The following PRKACB variants were observed in gnomAD, a reference collection of about 807,000 sequenced individuals.
The protein encoded by PRKACB is cAMP-dependent protein kinase catalytic subunit beta.
PRKACB carries 16 observed loss-of-function variants against 51.4 expected under a neutral mutation model. That is an observed-to-expected ratio of 0.31 (90% confidence interval 0.21 to 0.47). The LOEUF is 0.47. Among genes scored for constraint, PRKACB ranks in the 20% least tolerant of loss-of-function variants. The pLI, the probability that PRKACB is intolerant of heterozygous loss-of-function variation, is 1.00. For synonymous variants in PRKACB, 147 were observed against 154.4 expected (o/e 0.95, Z 0.35); for missense variants, 309 against 464.5 (o/e 0.67, Z 3.08).
chr1:84,136,809 CTG>C (rs891867164), intron 1 of PRKACB, among the ~76,000 whole-genome samples: 1 of 152,150 alleles, frequency 6.6e-6, no homozygotes, highest in Non-Finnish European at 1.5e-5. Context: ...AATGGATAAA[CTG>C]TGATATATCC....
chr1:84,230,458 A>G (rs1016723248), intron 9 of PRKACB, among the ~76,000 whole-genome samples: 4 of 152,076 alleles, frequency 2.6e-5, no homozygotes, highest in South Asian at 2.1e-4. Flanking sequence ...AGTTTTTCCA[A>G]TTCTGTGAAG....
chr1:84,085,403 T>C (rs939039375), intron 1 of PRKACB, among the ~76,000 whole-genome samples: 1 of 152,186 alleles, frequency 6.6e-6, no homozygotes, highest in Non-Finnish European at 1.5e-5. Context: ...GACAAATGTT[T>C]TAAAATCTCC....
intron 1 of PRKACB, among the ~76,000 whole-genome samples, chr1:84,162,990 C>T (rs921482245): frequency 2.0e-5 from 3 of 152,052 alleles, no homozygotes; most frequent in Non-Finnish European, 4.4e-5. Context: ...CTGTATCCCT[C>T]ATGATATGTG....
chr1:84,188,237 G>T (rs1383564673), intron 5 of PRKACB, among the ~76,000 whole-genome samples: 1 of 151,676 alleles, frequency 6.6e-6, no homozygotes, highest in Non-Finnish European at 1.5e-5. Flanking sequence ...TTAAATGAAA[G>T]TTATGAAAAC....
At chr1:84,213,941 A>G (rs1672502070) in intron 8 of PRKACB, among the ~76,000 whole-genome samples, 2 of 152,248 alleles carry the variant, frequency 1.3e-5, no homozygotes, top group Non-Finnish European at 2.9e-5. Flanking sequence ...CAAGGCCCTA[A>G]GAGAACAGGT....
chr1:84,166,186 T>A (rs1307516165), intron 1 of PRKACB, among the ~76,000 whole-genome samples: 1 of 151,762 alleles, frequency 6.6e-6, no homozygotes, highest in Non-Finnish European at 1.5e-5. Flanking sequence ...TTCCTGTTAC[T>A]GAAATAGATC....
chr1:84,201,984 G>C (rs1297946522), intron 7 of PRKACB, among the ~76,000 whole-genome samples: 3 of 151,704 alleles, frequency 2.0e-5, no homozygotes, highest in South Asian at 2.1e-4. Context: ...TTTTACACAC[G>C]TTACTCCCTT....
intron 1 of PRKACB, among the ~76,000 whole-genome samples, chr1:84,101,980 T>A (rs1649382021): frequency 6.6e-6 from 1 of 152,146 alleles, no homozygotes; most frequent in Non-Finnish European, 1.5e-5. Context: ...ACTTAAAAAT[T>A]TTCTTAACAA....
chr1:84,104,172 T>G (rs1190469980), intron 1 of PRKACB, among the ~76,000 whole-genome samples: 1 of 152,112 alleles, frequency 6.6e-6, no homozygotes, highest in African/African-American at 2.4e-5. Flanking sequence ...AATTCTCCTA[T>G]CTACTTGTAT....
intron 1 of PRKACB, among the ~76,000 whole-genome samples, chr1:84,116,635 A>G (rs147923143): frequency 2.6e-5 from 4 of 152,236 alleles, no homozygotes; most frequent in East Asian, 1.9e-4. Context: ...TTATTGGTGT[A>G]TAGAAATGCT....
chr1:84,230,010 G>GCCTATGT (rs1238071975), intron 9 of PRKACB, among the ~76,000 whole-genome samples: 2 of 151,018 alleles, frequency 1.3e-5, no homozygotes, highest in Non-Finnish European at 3.0e-5. Context: ...CCTTGCCCAT[G>GCCTATGT]CCTATGTCCT....
intron 5 of PRKACB, among the ~76,000 whole-genome samples, chr1:84,193,170 C>T (rs1415921315): frequency 6.6e-6 from 1 of 152,030 alleles, no homozygotes; most frequent in Non-Finnish European, 1.5e-5. Context: ...AGAAAGACCC[C>T]TTCCCAGCCA....
chr1:84,122,078 C>G (rs947857177), intron 1 of PRKACB, among the ~76,000 whole-genome samples: 1 of 152,066 alleles, frequency 6.6e-6, no homozygotes, highest in Admixed American at 6.6e-5. Flanking sequence ...TTCCTTGAAG[C>G]CCCTCAGTTG....
At chr1:84,178,581 A>G (rs1205220255) in intron 1 of PRKACB, among the ~76,000 whole-genome samples, 8 of 151,990 alleles carry the variant, frequency 5.3e-5, no homozygotes, top group African/African-American at 1.9e-4. Flanking sequence ...TTAGAATGAG[A>G]TTGTTAAACT....
chr1:84,096,782 C>T (rs1286400974), intron 1 of PRKACB, among the ~76,000 whole-genome samples: 1 of 151,908 alleles, frequency 6.6e-6, no homozygotes, highest in Admixed American at 6.6e-5. Context: ...ATAAAGTGTG[C>T]ACATTTTTAA....
At chr1:84,208,813 T>C (rs556658814) in intron 8 of PRKACB, among the ~76,000 whole-genome samples, 1 of 152,342 alleles carries the variant, frequency 6.6e-6, no homozygotes, top group African/African-American at 2.4e-5. Context: ...AGATGAGATA[T>C]ACTCTCATTG....
chr1:84,085,664 TG>T (rs1429005804), intron 1 of PRKACB: 1 of 170,938 alleles, frequency 5.9e-6, no homozygotes, highest in Non-Finnish European at 1.2e-5. Context: ...ATTTAAGGAA[TG>T]ATAGTAAAGG....
intron 1 of PRKACB, among the ~76,000 whole-genome samples, chr1:84,080,630 T>C (rs376681178): frequency 1.1e-3 from 169 of 152,320 alleles, no homozygotes; most frequent in African/African-American, 3.9e-3. Context: ...AACAAAGAAA[T>C]TGTATTTTAA....
chr1:84,173,483 T>C, intron 1 of PRKACB: 2 of 791,118 alleles, frequency 2.5e-6, no homozygotes, highest in Non-Finnish European at 4.0e-6. Flanking sequence ...CTGAAAATAT[T>C]TTTAGTGTGT....
Sources: allele counts gnomAD v4.1 joint callset (sites outside exome capture counted in the v4.1 genomes callset), GRCh38; gene constraint gnomAD v4.1.1; transcripts MANE v1.5; gene names NCBI Gene and HGNC (gene_info 2026-07-23, HGNC 2026-07-21).